The following UBE2F variants were observed in gnomAD, a reference collection of about 807,000 sequenced individuals.
UBE2F encodes the protein ubiquitin conjugating enzyme E2 F (putative), also known as NEDD8-conjugating enzyme UBE2F.
UBE2F carries 5 observed loss-of-function variants against 29.6 expected under a neutral mutation model. The observed-to-expected ratio is 0.17, with a 90% CI of 0.09 to 0.36. The LOEUF is 0.36. UBE2F is among the 10% of genes least tolerant of loss of function. The pLI, the probability that UBE2F is intolerant of heterozygous loss-of-function variation, is 1.00. For missense variants in UBE2F, 141 were observed against 228.5 expected, an observed-to-expected ratio of 0.62 and a Z score of 2.47; for synonymous variants, 66 against 81.8, an observed-to-expected ratio of 0.81 and a Z score of 1.04.
intron 6 of UBE2F, 46 bp from the exon 7 acceptor site, chr2:238,030,510 A>T: frequency 6.8e-7 from 1 of 1,460,064 alleles, no homozygotes. Flanking sequence ...CGTGCAGGGC[A>T]CCTGTGGCTG....
intron 2 of UBE2F, among the ~76,000 whole-genome samples, chr2:237,979,292 T>C (rs1270246914): frequency 6.6e-6 from 1 of 152,212 alleles, no homozygotes; most frequent in Non-Finnish European, 1.5e-5. Context: ...CCCATCTGCC[T>C]GAGCTTCCCA....
intron 5 of UBE2F, 76 bp downstream of exon 5, chr2:238,016,709 AG>A (rs1388213061): frequency 8.8e-5 from 115 of 1,313,960 alleles, no homozygotes; most frequent in Non-Finnish European, 1.1e-4. Flanking sequence ...CCACTGGCAC[AG>A]GGCCCTAGCA....
At chr2:237,992,529 T>C (rs2063610774) in intron 3 of UBE2F, among the ~76,000 whole-genome samples, 1 of 152,206 alleles carries the variant, frequency 6.6e-6, no homozygotes, top group Non-Finnish European at 1.5e-5. Flanking sequence ...TTCTAGACAG[T>C]TTTCACTCTG....
intron 2 of UBE2F, 126 bp downstream of exon 2, chr2:237,973,351 T>A: frequency 9.2e-7 from 1 of 1,090,622 alleles, no homozygotes; most frequent in Non-Finnish European, 1.3e-6. Context: ...TTTTAAAATA[T>A]AATTGCTTAT....
chr2:238,016,535 T>C, intron 4 of UBE2F, 31 bp from the exon 5 acceptor site: 4 of 1,577,178 alleles, frequency 2.5e-6, no homozygotes, highest in Non-Finnish European at 3.5e-6. Flanking sequence ...ATTTAAAGGA[T>C]TTTTTTGTTT....
chr2:237,975,010 G>C (rs186324293), intron 2 of UBE2F, among the ~76,000 whole-genome samples: 1 of 151,422 alleles, frequency 6.6e-6, no homozygotes, highest in East Asian at 2.0e-4. Context: ...GACCTCAGGT[G>C]AGCCACCCGC....
intron 7 of UBE2F, among the ~76,000 whole-genome samples, 162 bp downstream of exon 7, chr2:238,030,775 C>A (rs1170640545): frequency 6.6e-6 from 1 of 152,218 alleles, no homozygotes; most frequent in South Asian, 2.1e-4. Flanking sequence ...GGCTACTTAG[C>A]CAGTCACTGA....
chr2:237,979,227 C>T (rs1664244848), intron 2 of UBE2F, among the ~76,000 whole-genome samples: 1 of 152,198 alleles, frequency 6.6e-6, no homozygotes, highest in South Asian at 2.1e-4. Context: ...CAGGTGGTTT[C>T]TAACCTTCTC....
intron 3 of UBE2F, among the ~76,000 whole-genome samples, 199 bp from the exon 4 acceptor site, chr2:237,994,545 A>G (rs74500662): frequency 4.9e-4 from 74 of 152,364 alleles, no homozygotes; most frequent in South Asian, 1.9e-3. Flanking sequence ...AGAAAAGCAC[A>G]TGACAAAAAC....
chr2:238,023,554 A>G (rs2064343181), intron 5 of UBE2F, among the ~76,000 whole-genome samples: 1 of 152,242 alleles, frequency 6.6e-6, no homozygotes, highest in African/African-American at 2.4e-5. Flanking sequence ...TTGGATGGTG[A>G]AGTATTTTCT....
At chr2:237,977,420 T>C (rs929245401) in intron 2 of UBE2F, among the ~76,000 whole-genome samples, 1 of 151,732 alleles carries the variant, frequency 6.6e-6, no homozygotes, top group Non-Finnish European at 1.5e-5. Context: ...CCAGGCTGAG[T>C]GGTGAGTAGT....
At chr2:238,008,511 G>T (rs372990406) in intron 4 of UBE2F, among the ~76,000 whole-genome samples, 2 of 152,240 alleles carry the variant, frequency 1.3e-5, no homozygotes, top group South Asian at 2.1e-4. Flanking sequence ...TAGAGTTTGT[G>T]TTGTATCTCC....
At chr2:238,029,745 G>C (rs1281502470) in intron 6 of UBE2F, among the ~76,000 whole-genome samples, 2 of 152,216 alleles carry the variant, frequency 1.3e-5, no homozygotes, top group Non-Finnish European at 2.9e-5. Flanking sequence ...TGTGCCCTTG[G>C]GCGTGTCTTC....
chr2:238,007,401 C>T (rs1404090990), intron 4 of UBE2F, among the ~76,000 whole-genome samples: 1 of 152,122 alleles, frequency 6.6e-6, no homozygotes, highest in Non-Finnish European at 1.5e-5. Context: ...GGATTACAGG[C>T]GTGAGCCACT....
rs533864273 is a variant in UBE2F, at chr2:238,005,186, C to T, written c.214+10377C>T. On this transcript the variant is annotated intron_variant, in intron 4 of 9. Coordinates refer to ENST00000272930, the MANE Select transcript of UBE2F (RefSeq NM_080678.3). ...TGTCTAAGAAATACAAAGATTTTCT[C>T]TTATTTTTAAAATTATTTTATTTTT... Among the ~76,000 whole-genome samples, 48 of 152,256 alleles carry T rather than the reference C, an allele frequency of 3.2e-4. 1 individual carries two copies. Among genetic ancestry groups the T allele is most frequent in the South Asian group, 1.7e-3 (8 of 4,824 alleles).
rs1288472177 is a variant in UBE2F, at chr2:237,994,097, C to T, written c.149-647C>T. ...GCTAAGTCCTGGGCGCACTCTTCTT[C>T]TTCTTCTTCTTCTTTTTTTTTTTTT... is the stretch of plus-strand genomic sequence containing the variant. On this transcript the variant is annotated intron_variant, in intron 3 of 9. Coordinates refer to ENST00000272930, the MANE Select transcript of UBE2F (RefSeq NM_080678.3). Among the ~76,000 whole-genome samples, 8 of 128,778 alleles carry T rather than the reference C, an allele frequency of 6.2e-5. No homozygotes were observed. The South Asian group carries it at 1.7e-3, about 28-fold the overall frequency. The allele number at this position is 128,778 out of a possible 152,430, so 84.5% of individuals were successfully genotyped here. A position where few individuals can be genotyped will look rare whatever the true frequency, so the allele number is the denominator to read the frequency against.
At chr2:238,007,282 C>T (rs2063928237) in intron 4 of UBE2F, among the ~76,000 whole-genome samples, 1 of 151,806 alleles carries the variant, frequency 6.6e-6, no homozygotes, top group Admixed American at 6.6e-5. Context: ...CCACCATGCC[C>T]AGCTAATTTT....
At position 238,016,410 on chromosome 2, in the gene UBE2F, T is replaced by C. The variant is rs570330195; in HGVS notation, c.215-156T>C. 3.3e-5 allele frequency: 20 copies of C among 610,162 alleles called. No homozygotes were observed. The South Asian group carries it at 3.9e-4, about 12-fold the overall frequency. The allele number at this position is 610,162 out of a possible 1,614,324, so 37.8% of individuals were successfully genotyped here. On this transcript the variant is annotated intron_variant, in intron 4 of 9. Transcript: ENST00000272930. ...GGCAGGGGCAGGACTTCCACCAGTGTGTGTGCATTTGGTGATGGAACCGAG... is the reference window on the plus strand; with the variant it reads ...GGCAGGGGCAGGACTTCCACCAGTGCGTGTGCATTTGGTGATGGAACCGAG...
At position 238,032,235 on chromosome 2, in the gene UBE2F, G is replaced by A; in HGVS notation, c.425G>A (p.Gly142Glu). The A allele has an allele frequency of 1.2e-6, 2 of 1,613,176 alleles. No homozygotes were observed. Among genetic ancestry groups the A allele is most frequent in the Non-Finnish European group, 8.5e-7 (1 of 1,179,392 alleles). Reference protein sequence around the residue: ...PTRTLKDVVWGLNSLFTDLLN... With the variant: ...PTRTLKDVVWELNSLFTDLLN... Reference sequence around the variant, plus strand: ...TTTTTATTTCAGGATGTCGTTTGGGGATTAAACTCTTTGTTTACTGTAAGT... The same window carrying A: ...TTTTTATTTCAGGATGTCGTTTGGGAATTAAACTCTTTGTTTACTGTAAGT... Residue 142 changes from glycine (G) to glutamate (E), a missense_variant, in exon 8 of 10, where the codon GGA becomes GAA. Physicochemically the swap from Gly to Glu is moderately conservative, Grantham distance 98 (BLOSUM62 -2). Transcript: ENST00000272930.
Sources: allele counts gnomAD v4.1 joint callset (sites outside exome capture counted in the v4.1 genomes callset), GRCh38; gene constraint gnomAD v4.1.1; transcripts MANE v1.5; gene names NCBI Gene and HGNC (gene_info 2026-07-23, HGNC 2026-07-21).